Variants in GEMIN8 observed in about 807,000 individuals in gnomAD.
The protein encoded by GEMIN8 is gem nuclear organelle associated protein 8.
For missense variants in GEMIN8, 185 were observed against 205.9 expected (o/e 0.90, Z 0.62); for synonymous variants, 80 against 78.5 (o/e 1.02, Z -0.10).
the GEMIN8 span, among the ~76,000 whole-genome samples, chrX:13,996,344 T>C: frequency 8.9e-6 from 1 of 112,018 alleles, no homozygotes; most frequent in East Asian, 2.8e-4. Context: ...ATAATGCTGA[T>C]AGAGACATAC....
At chrX:14,022,787 T>C (rs1924455221) in intron 2 of GEMIN8, among the ~76,000 whole-genome samples, 1 of 112,193 alleles carries the variant, frequency 8.9e-6, no homozygotes, top group Non-Finnish European at 1.9e-5. Context: ...GCAGTCTTAT[T>C]TTTCCTTTTC....
At chrX:13,991,375 TGCA>T in the GEMIN8 span, among the ~76,000 whole-genome samples, 1 of 112,017 alleles carries the variant, frequency 8.9e-6, no homozygotes, top group African/African-American at 3.2e-5. Context: ...CTAGGATGAC[TGCA>T]GCAGCAGATG....
At chrX:14,010,451 G>A (rs1923461161) in intron 4 of GEMIN8, among the ~76,000 whole-genome samples, 1 of 111,924 alleles carries the variant, frequency 8.9e-6, no homozygotes, top group Non-Finnish European at 1.9e-5. Context: ...GATAAGGAGT[G>A]AAGATGGTTG....
the GEMIN8 span, among the ~76,000 whole-genome samples, chrX:13,985,637 G>C: frequency 8.9e-6 from 1 of 111,898 alleles, no homozygotes; most frequent in South Asian, 3.8e-4. Flanking sequence ...TGAGTACAGA[G>C]TATTGAATGT....
chrX:14,028,187 A>G (rs1291390258), intron 1 of GEMIN8, among the ~76,000 whole-genome samples: 1 of 111,976 alleles, frequency 8.9e-6, no homozygotes, highest in Admixed American at 9.4e-5. Flanking sequence ...GTAGGCATGG[A>G]TTCTACAATC....
chrX:14,027,863 T>C (rs913755501), intron 1 of GEMIN8, among the ~76,000 whole-genome samples: 3 of 112,189 alleles, frequency 2.7e-5, no homozygotes, highest in Non-Finnish European at 5.6e-5. Context: ...TGACTGAGAA[T>C]GACATAATGA....
At chrX:14,029,263 A>G (rs1399167413) in intron 1 of GEMIN8, 1 of 112,228 alleles carries the variant, frequency 8.9e-6, no homozygotes, top group Non-Finnish European at 1.9e-5. Flanking sequence ...AGTGCAAGAG[A>G]AAAGAAAGAA....
the GEMIN8 span, among the ~76,000 whole-genome samples, chrX:13,986,415 T>C: frequency 1.8e-5 from 2 of 112,128 alleles, no homozygotes; most frequent in African/African-American, 6.5e-5. Flanking sequence ...AAAGTCAGGG[T>C]GGGGCAGTCC....
At chrX:13,995,269 T>C in the GEMIN8 span, among the ~76,000 whole-genome samples, 1 of 112,093 alleles carries the variant, frequency 8.9e-6, no homozygotes, top group African/African-American at 3.2e-5. Context: ...CACCCCTCAA[T>C]GACGCTTTCT....
chrX:13,995,825 C>T, the GEMIN8 span, among the ~76,000 whole-genome samples: 1 of 111,738 alleles, frequency 8.9e-6, no homozygotes, highest in East Asian at 2.8e-4. Flanking sequence ...AGCTCCTTAA[C>T]TTGGTCACAT....
intron 4 of GEMIN8, among the ~76,000 whole-genome samples, chrX:14,013,437 G>T (rs772595329): frequency 7.1e-5 from 8 of 112,350 alleles, no homozygotes; most frequent in Non-Finnish European, 1.3e-4. Flanking sequence ...TTCAAAATAG[G>T]ATTGTAGTGG....
At chrX:13,988,931 T>C in the GEMIN8 span, 1 of 107,910 alleles carries the variant, frequency 9.3e-6, no homozygotes, top group Non-Finnish European at 1.9e-5. Context: ...AACAGAAAAA[T>C]GGTAGAACTG....
chrX:14,005,900 G>T (rs1188227024), downstream of GEMIN8, among the ~76,000 whole-genome samples: 2 of 111,439 alleles, frequency 1.8e-5, no homozygotes, highest in Admixed American at 9.5e-5. Flanking sequence ...AGAGAAAAAA[G>T]AAGTTTGTTT....
rs1232894938 is a variant in GEMIN8, at chrX:14,021,820, A to G, written c.-33-309T>C. 3.8e-3 allele frequency among the ~76,000 whole-genome samples: 188 copies of G among 48,871 alleles called. 2 individuals carry two copies. Among genetic ancestry groups the G allele is most frequent in the African/African-American group, 0.016 (174 of 11,003 alleles). The allele number at this position is 48,871 out of a possible 115,157, so 42.4% of individuals were successfully genotyped here. On this transcript the variant is annotated intron_variant, in intron 2 of 4. Transcript: ENST00000680255. ...TTTAGTAGTTAATGTGTGTGTATAT[A>G]TATATATATATATATATATATATAG...
chrX:14,011,227 G>A (rs1055107746), intron 4 of GEMIN8, among the ~76,000 whole-genome samples: 23 of 111,635 alleles, frequency 2.1e-4, no homozygotes, highest in African/African-American at 4.6e-4. Context: ...AAGGAAGAGC[G>A]GGGGTGACCT....
chrX:14,025,286 T>A (rs1302513683), intron 2 of GEMIN8, among the ~76,000 whole-genome samples: 1 of 110,117 alleles, frequency 9.1e-6, no homozygotes, highest in East Asian at 2.8e-4. Flanking sequence ...TATTTTAGGC[T>A]TGTGGGCCAC....
the GEMIN8 span, among the ~76,000 whole-genome samples, chrX:13,991,533 G>A: frequency 1.8e-5 from 2 of 111,311 alleles, no homozygotes; most frequent in Non-Finnish European, 3.8e-5. Flanking sequence ...TTGTCTATTA[G>A]GTGAGTATGC....
the GEMIN8 span, among the ~76,000 whole-genome samples, chrX:13,992,518 CCT>C: frequency 9.0e-6 from 1 of 111,154 alleles, no homozygotes; most frequent in Non-Finnish European, 1.9e-5. Flanking sequence ...AGAGGAATCC[CCT>C]GAGGGTCTTG....
chrX:14,005,615 A>T (rs1923120077), downstream of GEMIN8, among the ~76,000 whole-genome samples: 1 of 104,170 alleles, frequency 9.6e-6, no homozygotes, highest in African/African-American at 3.6e-5. Context: ...AATTAATTGA[A>T]CCCAAAGAGG....
Sources: allele counts gnomAD v4.1 joint callset (sites outside exome capture counted in the v4.1 genomes callset), GRCh38; gene constraint gnomAD v4.1.1; transcripts MANE v1.5; gene names NCBI Gene and HGNC (gene_info 2026-07-23, HGNC 2026-07-21).